The following RNF169 variants were observed in gnomAD, a reference collection of about 807,000 sequenced individuals.
RNF169 encodes the protein ring finger protein 169.
Under a neutral mutation model 53.9 loss-of-function variants are expected in RNF169, and 24 were observed. The observed-to-expected ratio is 0.45, with a 90% CI of 0.32 to 0.63. The LOEUF (loss-of-function observed/expected upper bound fraction) is 0.63. Ranked by LOEUF, RNF169 falls within the 20% of genes least tolerant of loss-of-function variation. The pLI is 0.04. For synonymous variants in RNF169, 396 were observed against 363.5 expected, an observed-to-expected ratio of 1.09 and a Z score of -1.02; for missense variants, 883 against 906.2, an observed-to-expected ratio of 0.97 and a Z score of 0.33.
At chr11:74,796,822 C>A (rs2035655722) in intron 2 of RNF169, among the ~76,000 whole-genome samples, 1 of 152,170 alleles carries the variant, frequency 6.6e-6, no homozygotes, top group Non-Finnish European at 1.5e-5. Context: ...CTCGACCTAT[C>A]CATTTTCTTT....
intron 1 of RNF169, among the ~76,000 whole-genome samples, chr11:74,767,861 A>G (rs775601795): frequency 6.6e-6 from 1 of 151,928 alleles, no homozygotes; most frequent in Non-Finnish European, 1.5e-5. Flanking sequence ...TTTTAAAAAT[A>G]GAGATGGGGT....
At chr11:74,750,209 A>G (rs936024997) in intron 1 of RNF169, among the ~76,000 whole-genome samples, 2 of 152,312 alleles carry the variant, frequency 1.3e-5, no homozygotes, top group South Asian at 2.1e-4. Flanking sequence ...TTTGAAATGC[A>G]AAGTGCCCTG....
At position 74,840,772 on chromosome 11, in the gene RNF169, T is replaced by G. The variant is rs1338527945; in HGVS notation, c.*4042T>G. 2 of 148,712 alleles carry G rather than the reference T, an allele frequency of 1.3e-5. No homozygotes were observed. Among genetic ancestry groups the G allele is most frequent in the Non-Finnish European group, 1.5e-5 (1 of 67,626 alleles). The allele number at this position is 148,712 out of a possible 1,614,324, so 9.2% of individuals were successfully genotyped here. On this transcript the variant is annotated 3_prime_UTR_variant, in exon 6 of 6. Coordinates refer to ENST00000299563, the MANE Select transcript of RNF169 (RefSeq NM_001098638.2). ...AATCATCCAAGTTAAACTTCTTCTC[T>G]GCCCCCCGCCCCCACTTTTTTTTTT...
At chr11:74,833,342 G>A (rs774631060) in intron 4 of RNF169, among the ~76,000 whole-genome samples, 12 of 152,272 alleles carry the variant, frequency 7.9e-5, no homozygotes, top group Middle Eastern at 3.4e-3. Context: ...GATATGATGC[G>A]TTCCATTCCA....
In RNF169 at chr11:74,749,213, A is replaced by G; in HGVS notation, c.333A>G (p.Pro111=). ...PGCPRCRARG[P]GWARRRARDD... is the part of the protein sequence containing the mutation. The stretch of plus-strand genomic sequence containing the variant: ...GCCCTCGCTGCCGCGCCCGCGGCCC[A>G]GGCTGGGCCCGCCGTCGGGCCCGCG... Residue 111 remains proline, a synonymous_variant, in exon 1 of 6, where the codon CCA becomes CCG. Transcript: ENST00000299563. 1.8e-6 allele frequency: 2 copies of G among 1,098,924 alleles called. No individual in the cohort carries two copies. Among genetic ancestry groups the G allele is most frequent in the Non-Finnish European group, 2.2e-6 (2 of 905,546 alleles). The allele number at this position is 1,098,924 out of a possible 1,614,324, so 68.1% of individuals were successfully genotyped here.
intron 1 of RNF169, among the ~76,000 whole-genome samples, chr11:74,769,618 G>T (rs2035230101): frequency 6.6e-6 from 1 of 152,200 alleles, no homozygotes; most frequent in Admixed American, 6.5e-5. Context: ...ACAGCTGTTA[G>T]AATGAATGAA....
At position 74,836,453 on chromosome 11, in the gene RNF169, C is replaced by T. The variant is rs201098267; in HGVS notation, c.1850C>T (p.Ser617Phe). 6.4e-4 allele frequency: 1,040 copies of T among 1,614,104 alleles called. No individual in the cohort carries two copies. The highest frequency in any genetic ancestry group is 8.2e-4 in the Non-Finnish European group (970 of 1,180,044). ...VESLSEEPLP[S>F]LRRGRKRHCK... ...AGCCTAAGTGAAGAGCCACTTCCTT[C>T]TTTGCGTCGAGGCCGGAAAAGACAC... is the stretch of plus-strand genomic sequence containing the variant. The change falls in exon 6 of 6, where the codon TCT (serine) becomes TTT (phenylalanine). Residue 617 changes from serine to phenylalanine, a missense_variant. Coordinates refer to ENST00000299563, the MANE Select transcript of RNF169 (RefSeq NM_001098638.2).
chr11:74,813,202 TTG>T (rs2035898155), intron 3 of RNF169, among the ~76,000 whole-genome samples: 1 of 152,206 alleles, frequency 6.6e-6, no homozygotes, highest in Non-Finnish European at 1.5e-5. Context: ...TTTTTTGTGT[TTG>T]TGTTTCTCTA....
At chr11:74,810,545 G>A (rs1394579597) in intron 3 of RNF169, among the ~76,000 whole-genome samples, 1 of 152,218 alleles carries the variant, frequency 6.6e-6, no homozygotes, top group Non-Finnish European at 1.5e-5. Context: ...TTAAGGAACA[G>A]TGGGAAAAGC....
At chr11:74,787,180 C>T (rs577360215) in intron 1 of RNF169, among the ~76,000 whole-genome samples, 10 of 152,068 alleles carry the variant, frequency 6.6e-5, no homozygotes, top group Middle Eastern at 3.4e-3. Flanking sequence ...TAATAAAAAA[C>T]GCAGAAGCCA....
intron 1 of RNF169, among the ~76,000 whole-genome samples, chr11:74,760,258 C>T (rs530160424): frequency 2.0e-5 from 3 of 152,116 alleles, no homozygotes; most frequent in African/African-American, 7.2e-5. Context: ...TTTCAAAAAA[C>T]CAGCTCCTGG....
intron 1 of RNF169, among the ~76,000 whole-genome samples, chr11:74,776,784 A>G (rs565723340): frequency 1.4e-4 from 22 of 152,334 alleles, no homozygotes; most frequent in African/African-American, 4.3e-4. Flanking sequence ...TGAAAGGGGA[A>G]GAAAATCATT....
chr11:74,808,842 A>G lies in RNF169; in HGVS notation c.577-1342A>G, dbSNP rs115477286. On this transcript the variant is annotated intron_variant, in intron 2 of 5. Transcript: ENST00000299563. ...TTTATGTGGGCAGTTAGTGTAGACT[A>G]TAGTTTTGTTTTCTCCCCAGCTGTG... 2.4e-3 allele frequency among the ~76,000 whole-genome samples: 364 copies of G among 152,260 alleles called. 3 individuals carry two copies. The highest frequency in any genetic ancestry group is 8.4e-3 in the African/African-American group (347 of 41,530).
intron 1 of RNF169, among the ~76,000 whole-genome samples, chr11:74,750,554 T>C (rs942503772): frequency 6.7e-6 from 1 of 149,794 alleles, no homozygotes; most frequent in Non-Finnish European, 1.5e-5. Context: ...GGGACCTGCA[T>C]CTTACTTTCT....
At chr11:74,798,572 A>G (rs1214127741) in intron 2 of RNF169, among the ~76,000 whole-genome samples, 6 of 152,164 alleles carry the variant, frequency 3.9e-5, no homozygotes, top group African/African-American at 1.2e-4. Context: ...CTGTGGTCCT[A>G]TAATCTCACC....
chr11:74,762,030 C>T (rs2035092367), intron 1 of RNF169, among the ~76,000 whole-genome samples: 1 of 140,366 alleles, frequency 7.1e-6, no homozygotes, highest in Non-Finnish European at 1.5e-5. Flanking sequence ...TCTAAACTTC[C>T]CTTCTCGCTT....
At chr11:74,785,160 TATATATATATATGATATATATATATG>T (rs759980421) in intron 1 of RNF169, among the ~76,000 whole-genome samples, 1 of 127,682 alleles carries the variant, frequency 7.8e-6, no homozygotes, top group Non-Finnish European at 1.5e-5. Context: ...TGTATTTTTA[TATATATATATATGATATATATATATG>T]ATATATATAT....
intron 1 of RNF169, among the ~76,000 whole-genome samples, chr11:74,758,450 T>G (rs1424943750): frequency 2.6e-5 from 4 of 151,622 alleles, no homozygotes; most frequent in Admixed American, 6.6e-5. Context: ...CCAGCTTTGT[T>G]TTTTTGGCTT....
chr11:74,835,539 C>T lies in RNF169; in HGVS notation c.943-7C>T. The T allele has an allele frequency of 1.2e-6, 2 of 1,607,106 alleles. No individual in the cohort carries two copies. Among genetic ancestry groups the T allele is most frequent in the South Asian group, 1.1e-5 (1 of 90,732 alleles). On this transcript the variant is annotated splice_region_variant and splice_polypyrimidine_tract_variant and intron_variant, in intron 5 of 5. Transcript: ENST00000299563. ...TATGAAGGCATAATCTTTTTAATCT[C>T]TTTCAGGTCACAACTATGACTCCAG...
Sources: gnomAD v4.1 joint callset for allele counts (sites outside exome capture counted in the v4.1 genomes callset) on GRCh38, gnomAD v4.1.1 for gene constraint, MANE v1.5 for transcripts, NCBI Gene and HGNC (gene_info 2026-07-23, HGNC 2026-07-21) for gene names.